Variants in SIM1 observed in about 807,000 individuals in gnomAD.
The protein encoded by SIM1 is single-minded homolog 1.
A neutral mutation model predicts 78.2 loss-of-function variants in SIM1; 18 were observed. The ratio of observed to expected loss-of-function variants is 0.23; its 90% CI spans 0.16 to 0.34. The LOEUF is 0.34. Among genes scored for constraint, SIM1 ranks in the 10% least tolerant of loss-of-function variants. The pLI is 1.00. For missense variants in SIM1, 939 were observed against 975.1 expected, an observed-to-expected ratio of 0.96 and a Z score of 0.49; for synonymous variants, 417 against 385.2, an observed-to-expected ratio of 1.08 and a Z score of -0.97.
chr6:100,438,170 A>G (rs1772107048), intron 9 of SIM1, among the ~76,000 whole-genome samples: 1 of 152,224 alleles, frequency 6.6e-6, no homozygotes, highest in Admixed American at 6.5e-5. Context: ...CAGAATAAAC[A>G]CACAACACAC....
At chr6:100,438,561 T>G (rs1271777542) in intron 9 of SIM1, among the ~76,000 whole-genome samples, 1 of 152,124 alleles carries the variant, frequency 6.6e-6, no homozygotes, top group Non-Finnish European at 1.5e-5. Context: ...GGGCATTCCT[T>G]AAGGAACTAA....
rs1308918391 is a variant in SIM1 at position 100,386,827 on chromosome 6, G to C, written c.*3534C>G. 1 of 152,036 alleles carries C rather than the reference G, an allele frequency of 6.6e-6. No homozygotes were observed. The highest frequency in any genetic ancestry group is 1.9e-4 in the East Asian group (1 of 5,186). 9.4% of individuals were successfully genotyped at this position (152,036 alleles called of 1,614,324 possible). A position where few individuals can be genotyped will look rare whatever the true frequency, so the allele number is the denominator to read the frequency against. ...TCATTTTGAATGTCACCTCAGCACT[G>C]TCATATTATCTTTTATCAGGCAATT... On this transcript the variant is annotated 3_prime_UTR_variant, in exon 12 of 12. Transcript: ENST00000369208.
chr6:100,390,701 G>C lies in SIM1; in HGVS notation c.1961C>G (p.Ala654Gly), dbSNP rs1273170932. Reference sequence around the variant, plus strand: ...ATTGGGACTACTTATCCGAGATAGTGCGGTGGGACTGTTGTCATAGTCATT... The same window carrying C: ...ATTGGGACTACTTATCCGAGATAGTCCGGTGGGACTGTTGTCATAGTCATT... ...HENDYDNSPT[A>G]LSRISSPNSD... The change falls in exon 12 of 12, where the codon GCA (alanine) becomes GGA (glycine). Residue 654 changes from alanine (A) to glycine (G), a missense_variant. By Grantham distance (60) the Ala-to-Gly change is moderately conservative. This residue lies in a region of SIM1 where 556 missense variants were observed against 521.9 expected (regional missense o/e 1.07). Transcript: ENST00000369208. 6.2e-7 allele frequency: 1 copy of C among 1,614,032 alleles called. No individual in the cohort carries two copies. Among genetic ancestry groups the C allele is most frequent in the Admixed American group, 1.7e-5 (1 of 59,988 alleles).
At position 100,406,714 on chromosome 6, in the gene SIM1, TTGTATACATTTA is replaced by T. The variant is rs368493233; in HGVS notation, c.1168-12837_1168-12826del. 3.7e-3 allele frequency among the ~76,000 whole-genome samples: 571 copies of T among 152,294 alleles called. 3 individuals are homozygous for T. The highest frequency in any genetic ancestry group is 0.013 in the African/African-American group (555 of 41,554). On this transcript the variant is annotated intron_variant, in intron 10 of 11. Transcript: ENST00000369208. ...TACTGCAGTATAATTGACTACTAAATTGTATACATTTATGGTATACAGCACCATAAATTTAAT... is the reference window on the plus strand; with the variant it reads ...TACTGCAGTATAATTGACTACTAAATTGGTATACAGCACCATAAATTTAAT...
chr6:100,459,710 T>C (rs1222497922), intron 2 of SIM1, among the ~76,000 whole-genome samples: 4 of 152,252 alleles, frequency 2.6e-5, no homozygotes, highest in Non-Finnish European at 5.9e-5. Flanking sequence ...TTTTTATTTT[T>C]CCAAGACATC....
intron 9 of SIM1, among the ~76,000 whole-genome samples, chr6:100,426,066 C>A (rs935465934): frequency 6.6e-6 from 1 of 152,224 alleles, no homozygotes; most frequent in African/African-American, 2.4e-5. Flanking sequence ...TGGAAAGGAA[C>A]TGTGGCACAT....
At chr6:100,450,694 T>TCACACACA (rs778944750) in intron 3 of SIM1, among the ~76,000 whole-genome samples, 29 of 93,226 alleles carry the variant, frequency 3.1e-4, no homozygotes, top group African/African-American at 3.9e-4. Context: ...TCTCTCTCTC[T>TCACACACA]CTCACACACA....
rs1161709460 is a variant in SIM1, at chr6:100,389,316, T to C, written c.*1045A>G. 1 of 305,222 alleles carries C rather than the reference T, an allele frequency of 3.3e-6. No individual in the cohort carries two copies. The highest frequency in any genetic ancestry group is 6.0e-6 in the Non-Finnish European group (1 of 168,038). 18.9% of individuals were successfully genotyped at this position (305,222 alleles called of 1,614,324 possible). The stretch of plus-strand genomic sequence containing the variant: ...TTATCTTAGACTCTCTCCTGAGGCT[T>C]TCCACATGTTGTCACATTGGCACAT... On this transcript the variant is annotated 3_prime_UTR_variant, in exon 12 of 12. Transcript: ENST00000369208.
At chr6:100,400,072 G>C (rs1224377458) in intron 10 of SIM1, among the ~76,000 whole-genome samples, 2 of 151,940 alleles carry the variant, frequency 1.3e-5, no homozygotes, top group African/African-American at 4.8e-5. Context: ...GAAATGTTAT[G>C]AATATTTATG....
intron 9 of SIM1, among the ~76,000 whole-genome samples, chr6:100,432,719 G>T (rs1045089102): frequency 4.6e-5 from 7 of 152,016 alleles, no homozygotes; most frequent in Non-Finnish European, 1.0e-4. Context: ...ACTCTCTGGG[G>T]ATCTCATCCA....
At chr6:100,425,487 A>C (rs1302162394) in intron 9 of SIM1, among the ~76,000 whole-genome samples, 1 of 152,180 alleles carries the variant, frequency 6.6e-6, no homozygotes, top group Non-Finnish European at 1.5e-5. Flanking sequence ...TCAAAACTCC[A>C]ACAGCTCAAA....
In SIM1 at chr6:100,388,462, A is replaced by C. The variant is rs1463407544; in HGVS notation, c.*1899T>G. 1 of 152,100 alleles carries C rather than the reference A, an allele frequency of 6.6e-6. No individual in the cohort carries two copies. Among genetic ancestry groups the C allele is most frequent in the Non-Finnish European group, 1.5e-5 (1 of 68,006 alleles). 9.4% of individuals were successfully genotyped at this position (152,100 alleles called of 1,614,324 possible). ...AATATATATAACCACTAACTTTCTC[A>C]CTTACTTGCACTTTTTTGCATTTAC... On this transcript the variant is annotated 3_prime_UTR_variant, in exon 12 of 12. Coordinates refer to ENST00000369208, the MANE Select transcript of SIM1 (RefSeq NM_005068.3).
chr6:100,447,476 G>A, intron 8 of SIM1, 61 bp from the exon 9 acceptor site: 1 of 1,592,120 alleles, frequency 6.3e-7, no homozygotes, highest in Non-Finnish European at 8.6e-7. Flanking sequence ...GGCCCCAAAT[G>A]CAATCCCTGG....
At chr6:100,418,829 C>A (rs1398129909) in intron 10 of SIM1, among the ~76,000 whole-genome samples, 1 of 152,058 alleles carries the variant, frequency 6.6e-6, no homozygotes, top group East Asian at 1.9e-4. Flanking sequence ...TGCCAAGGTA[C>A]AAGATAGCAA....
intron 9 of SIM1, among the ~76,000 whole-genome samples, chr6:100,424,410 T>C (rs998438987): frequency 6.6e-6 from 1 of 151,986 alleles, no homozygotes; most frequent in Admixed American, 6.6e-5. Flanking sequence ...GTAACTCATA[T>C]GGATTTGGTG....
At chr6:100,416,682 C>T (rs1013371068) in intron 10 of SIM1, among the ~76,000 whole-genome samples, 3 of 152,070 alleles carry the variant, frequency 2.0e-5, no homozygotes, top group African/African-American at 7.2e-5. Flanking sequence ...CAGCTATTAA[C>T]ACAGAAAGGA....
intron 9 of SIM1, among the ~76,000 whole-genome samples, chr6:100,435,395 A>G (rs1772017452): frequency 6.6e-6 from 1 of 152,220 alleles, no homozygotes; most frequent in Non-Finnish European, 1.5e-5. Context: ...TGGATGCTGG[A>G]GTCCAGACCC....
chr6:100,460,935 C>G (rs1772823079), intron 2 of SIM1, among the ~76,000 whole-genome samples: 1 of 152,180 alleles, frequency 6.6e-6, no homozygotes, highest in Non-Finnish European at 1.5e-5. Context: ...GTCTAGCTCA[C>G]TGGGTGGAGG....
At chr6:100,450,158 C>T (rs1461375926) in intron 4 of SIM1, 109 bp downstream of exon 4, 3 of 834,748 alleles carry the variant, frequency 3.6e-6, no homozygotes, top group African/African-American at 3.3e-5. Context: ...TGTGAGATGT[C>T]CAGCTCCAGG....
Sources: allele counts gnomAD v4.1 joint callset (sites outside exome capture counted in the v4.1 genomes callset), GRCh38; gene constraint gnomAD v4.1.1; regional missense constraint gnomAD v4.1.1; transcripts MANE v1.5; gene names NCBI Gene and HGNC (gene_info 2026-07-23, HGNC 2026-07-21).